Variants in MED13L observed in about 807,000 individuals in gnomAD.
MED13L encodes the protein mediator of RNA polymerase II transcription subunit 13-like.
In MED13L, 7 loss-of-function variants were observed where a neutral mutation model predicts 220.9. That is an observed-to-expected ratio of 0.03 (90% CI 0.02 to 0.06). The LOEUF (loss-of-function observed/expected upper bound fraction) is 0.06. MED13L is among the 10% of genes least tolerant of loss of function. MED13L has a pLI of 1.00. For missense variants in MED13L, 1,965 were observed against 2,760.5 expected (o/e 0.71, Z 6.46); for synonymous variants, 1,011 against 1,015.2 (o/e 1.00, Z 0.08).
rs888453361 is a variant in MED13L at position 115,965,864 on chromosome 12, T to C, written c.6387+218A>G. Among the ~76,000 whole-genome samples the C allele has an allele frequency of 6.6e-5, 10 of 152,184 alleles. No individual in the cohort carries two copies. In the East Asian group the frequency reaches 1.9e-3, roughly 29 times the overall value. ...GGGCCCCACTGTTTCCTCCTTGGGCTACAGTGATTCATTTCTTTGTGACAT... is the reference window on the plus strand; with the variant it reads ...GGGCCCCACTGTTTCCTCCTTGGGCCACAGTGATTCATTTCTTTGTGACAT... On this transcript the variant is annotated intron_variant, in intron 29 of 30. Coordinates refer to ENST00000281928, the MANE Select transcript of MED13L (RefSeq NM_015335.5).
chr12:116,026,323 A>C (rs1314369977), intron 4 of MED13L, among the ~76,000 whole-genome samples: 3 of 152,262 alleles, frequency 2.0e-5, no homozygotes, highest in Admixed American at 6.5e-5. Flanking sequence ...TAAATAAAAA[A>C]GATTAAAATC....
intron 1 of MED13L, among the ~76,000 whole-genome samples, chr12:116,268,843 A>ATTCAAC (rs1285470741): frequency 6.6e-6 from 1 of 152,246 alleles, no homozygotes; most frequent in East Asian, 1.9e-4. Context: ...TCTTAAATAC[A>ATTCAAC]TTCAACTCAG....
chr12:116,135,337 T>C (rs1876444104), intron 2 of MED13L, among the ~76,000 whole-genome samples: 1 of 152,214 alleles, frequency 6.6e-6, no homozygotes, highest in South Asian at 2.1e-4. Flanking sequence ...CTAAGTTACA[T>C]GGAAAGGCTA....
At chr12:115,985,048 C>G (rs1465144505) in intron 19 of MED13L, among the ~76,000 whole-genome samples, 1 of 151,980 alleles carries the variant, frequency 6.6e-6, no homozygotes, top group Non-Finnish European at 1.5e-5. Context: ...TACTAAGCCC[C>G]GACAAAATCC....
chr12:115,982,736 T>C (rs1377579648), intron 21 of MED13L, 133 bp from the exon 22 acceptor site: 5 of 886,564 alleles, frequency 5.6e-6, no homozygotes, highest in Non-Finnish European at 9.0e-6. Flanking sequence ...GAGTAACATT[T>C]ATCACCTTAC....
intron 1 of MED13L, among the ~76,000 whole-genome samples, chr12:116,253,249 G>A (rs1871724361): frequency 6.9e-6 from 1 of 143,994 alleles, no homozygotes; most frequent in South Asian, 2.2e-4. Flanking sequence ...TCCAGCCAGG[G>A]CAATAACAGC....
At chr12:116,079,933 C>G (rs1454378870) in intron 4 of MED13L, among the ~76,000 whole-genome samples, 1 of 151,956 alleles carries the variant, frequency 6.6e-6, no homozygotes, top group Non-Finnish European at 1.5e-5. Context: ...CAAGCTTGTC[C>G]AACCCGTAAA....
At chr12:116,102,240 A>T (rs1873118602) in intron 3 of MED13L, among the ~76,000 whole-genome samples, 1 of 152,206 alleles carries the variant, frequency 6.6e-6, no homozygotes, top group South Asian at 2.1e-4. Context: ...GGCACCCCAA[A>T]CTCTAATCCC....
At chr12:115,987,452 T>G (rs1162687754) in intron 17 of MED13L, among the ~76,000 whole-genome samples, 164 bp from the exon 18 acceptor site, 1 of 152,212 alleles carries the variant, frequency 6.6e-6, no homozygotes, top group African/African-American at 2.4e-5. Flanking sequence ...ATTCTTCTAC[T>G]AAATTAGAGA....
At chr12:116,006,041 G>C in intron 12 of MED13L, 48 bp from the exon 13 acceptor site, 1 of 1,610,450 alleles carries the variant, frequency 6.2e-7, no homozygotes, top group East Asian at 2.2e-5. Flanking sequence ...TCCACCAAGC[G>C]CAAAGGAGTA....
At position 116,166,513 on chromosome 12, in the gene MED13L, C is replaced by T. The variant is rs959264609; in HGVS notation, c.311-55001G>A. Among the ~76,000 whole-genome samples, 8 of 151,910 alleles carry T rather than the reference C, an allele frequency of 5.3e-5. No individual in the cohort carries two copies. The East Asian group carries it at 1.4e-3, about 26-fold the overall frequency. Reference sequence around the variant, plus strand: ...GCATGAGAATCACTTGAGCCCGGGACGCTGAGGCTGCAGTGAGCCAAGATT... The same window carrying T: ...GCATGAGAATCACTTGAGCCCGGGATGCTGAGGCTGCAGTGAGCCAAGATT... On this transcript the variant is annotated intron_variant, in intron 2 of 30. Transcript: ENST00000281928.
intron 8 of MED13L, among the ~76,000 whole-genome samples, chr12:116,013,300 T>A (rs906721794): frequency 7.2e-5 from 11 of 152,128 alleles, no homozygotes; most frequent in African/African-American, 2.2e-4. Context: ...AGCATATGAA[T>A]TCTGAGTCAG....
chr12:116,030,917 T>C (rs545164065), intron 4 of MED13L, among the ~76,000 whole-genome samples: 1 of 152,308 alleles, frequency 6.6e-6, no homozygotes, highest in East Asian at 1.9e-4. Flanking sequence ...GCTCAACCCA[T>C]TTCTCTTATT....
At chr12:115,995,499 C>A (rs543011325) in intron 16 of MED13L, among the ~76,000 whole-genome samples, 2 of 152,348 alleles carry the variant, frequency 1.3e-5, no homozygotes, top group African/African-American at 4.8e-5. Context: ...TCTTGGCTCA[C>A]TGCAACCTCC....
At chr12:116,173,029 A>G (rs1879794291) in intron 2 of MED13L, among the ~76,000 whole-genome samples, 1 of 151,742 alleles carries the variant, frequency 6.6e-6, no homozygotes, top group Non-Finnish European at 1.5e-5. Context: ...GACATTACAT[A>G]CTGTGAAATA....
At chr12:116,000,948 C>CA (rs201283625) in intron 14 of MED13L, among the ~76,000 whole-genome samples, 23 of 138,332 alleles carry the variant, frequency 1.7e-4, no homozygotes, top group South Asian at 4.5e-4. Context: ...AACTTCATAC[C>CA]AAAAAAAAAA....
At position 115,991,632 on chromosome 12, in the gene MED13L, T is replaced by C. The variant is rs1397120245; in HGVS notation, c.3322A>G (p.Ser1108Gly). The stretch of plus-strand genomic sequence containing the variant: ...GAGAGAATCAGGGTAACATAGAGGC[T>C]GTGGGCTTCGGGAATTGGCTGCATG... ...ATMQPIPEAH[S>G]LYVTLILSDS... Residue 1108 changes from serine (S) to glycine (G), a missense_variant, in exon 17 of 31, where the codon AGC becomes GGC. Transcript: ENST00000281928. The surrounding 1 kb of genome is among the most constrained non-coding windows in gnomAD (Gnocchi z 7.7). 1 of 1,614,086 alleles carries C rather than the reference T, an allele frequency of 6.2e-7. No homozygotes were observed. Among genetic ancestry groups the C allele is most frequent in the East Asian group, 2.2e-5 (1 of 44,864 alleles).
chr12:115,983,561 A>G, intron 20 of MED13L, 21 bp from the exon 21 acceptor site: 2 of 1,613,324 alleles, frequency 1.2e-6, no homozygotes, highest in South Asian at 2.2e-5. Flanking sequence ...ACATGCAAAG[A>G]GGTGACTTTA....
intron 2 of MED13L, among the ~76,000 whole-genome samples, chr12:116,158,885 G>A (rs982162749): frequency 1.3e-5 from 2 of 152,120 alleles, no homozygotes; most frequent in Non-Finnish European, 2.9e-5. Flanking sequence ...GTAACCTCAC[G>A]TGACTAGTGA....
Sources: allele counts gnomAD v4.1 joint callset (sites outside exome capture counted in the v4.1 genomes callset), GRCh38; gene constraint gnomAD v4.1.1; non-coding constraint Gnocchi (gnomAD v3.1); transcripts MANE v1.5; gene names NCBI Gene and HGNC (gene_info 2026-07-23, HGNC 2026-07-21).